The following FOCAD variants were observed in gnomAD, a reference collection of about 807,000 sequenced individuals.
FOCAD encodes the protein KIAA1797.
FOCAD carries 198 observed loss-of-function variants against 225.6 expected under a neutral mutation model. That is an observed-to-expected ratio of 0.88 (90% CI 0.78 to 0.99). FOCAD has a LOEUF of 0.99. Ranked by LOEUF, FOCAD falls within the 50% of genes least tolerant of loss-of-function variation. The pLI, the probability that FOCAD is intolerant of heterozygous loss-of-function variation, is 0.00. For synonymous variants in FOCAD, 897 were observed against 755.0 expected (o/e 1.19, Z -3.08); for missense variants, 2,713 against 2,123.6 (o/e 1.28, Z -5.46).
intron 11 of FOCAD, among the ~76,000 whole-genome samples, chr9:20,803,796 C>T (rs1428071190): frequency 1.3e-5 from 2 of 152,094 alleles, no homozygotes; most frequent in Non-Finnish European, 2.9e-5. Context: ...CACCCTAACT[C>T]AGTGTTGAAG....
At chr9:20,930,550 G>T (rs548363789) in intron 27 of FOCAD, among the ~76,000 whole-genome samples, 8 of 152,172 alleles carry the variant, frequency 5.3e-5, no homozygotes, top group African/African-American at 1.9e-4. Flanking sequence ...GGATAAACTG[G>T]ATGACACTAT....
intron 6 of FOCAD, among the ~76,000 whole-genome samples, chr9:20,759,529 A>G (rs1294879175): frequency 2.0e-5 from 3 of 152,198 alleles, no homozygotes; most frequent in Non-Finnish European, 4.4e-5. Flanking sequence ...CTGAAACTGG[A>G]TCCCTTCCTT....
chr9:20,794,443 A>G (rs570176893), intron 11 of FOCAD, among the ~76,000 whole-genome samples: 3 of 152,350 alleles, frequency 2.0e-5, no homozygotes, highest in Admixed American at 1.3e-4. Flanking sequence ...AAGTGAAGAC[A>G]TTGAGGGTCA....
At chr9:20,693,638 A>G (rs1321578130) in intron 1 of FOCAD, among the ~76,000 whole-genome samples, 2 of 152,154 alleles carry the variant, frequency 1.3e-5, no homozygotes, top group Admixed American at 6.5e-5. Context: ...TCCATTCTTT[A>G]TGGAAAAGCT....
intron 37 of FOCAD, among the ~76,000 whole-genome samples, chr9:20,980,348 A>C (rs181822548): frequency 6.6e-6 from 1 of 151,878 alleles, no homozygotes; most frequent in East Asian, 1.9e-4. Flanking sequence ...TGTTCTATTC[A>C]CTCCTTCTTA....
rs1302940056 is a variant in FOCAD at position 20,948,321 on chromosome 9, G to A, written c.3726G>A (p.Val1242=). Residue 1242 remains valine (V), a synonymous_variant, in exon 31 of 44, where the codon GTG becomes GTA. Transcript: ENST00000338382. ...ALGNIVHGLS[V]CGHGKAEDLG... is the part of the protein sequence containing the mutation. ...GAAACATAGTTCATGGATTGTCTGT[G>A]TGTGGACATGGAAAAGCTGAAGACT... is the stretch of plus-strand genomic sequence containing the variant. 2 of 1,612,098 alleles carry A rather than the reference G, an allele frequency of 1.2e-6. No homozygotes were observed. The highest frequency in any genetic ancestry group is 1.7e-5 in the Admixed American group (1 of 59,910).
chr9:20,853,891 C>T (rs1294566966), intron 15 of FOCAD, among the ~76,000 whole-genome samples: 1 of 151,682 alleles, frequency 6.6e-6, no homozygotes, highest in Non-Finnish European at 1.5e-5. Context: ...TTATTTTTCT[C>T]ATTGTTTCTG....
intron 1 of FOCAD, among the ~76,000 whole-genome samples, chr9:20,711,035 G>T (rs1221051191): frequency 6.6e-6 from 1 of 152,122 alleles, no homozygotes; most frequent in Non-Finnish European, 1.5e-5. Context: ...TTGCTCTCTG[G>T]CCCTTTACAG....
At chr9:20,949,526 T>C (rs1837492174) in intron 32 of FOCAD, 78 bp from the exon 33 acceptor site, 6 of 966,760 alleles carry the variant, frequency 6.2e-6, no homozygotes, top group Non-Finnish European at 9.7e-6. Context: ...AGAAGATGGA[T>C]AGCTCATGCA....
chr9:20,926,193 A>C, intron 25 of FOCAD, 108 bp from the exon 26 acceptor site: 1 of 677,100 alleles, frequency 1.5e-6, no homozygotes, highest in Non-Finnish European at 2.5e-6. Flanking sequence ...TTACTTTTTG[A>C]TAACAGCACT....
chr9:20,968,538 T>C (rs1839476608), intron 35 of FOCAD, among the ~76,000 whole-genome samples: 2 of 140,692 alleles, frequency 1.4e-5, no homozygotes, highest in African/African-American at 5.2e-5. Flanking sequence ...ACCTCCTGGG[T>C]TCAAGTGATT....
chr9:20,829,864 G>A (rs1825308281), intron 15 of FOCAD, among the ~76,000 whole-genome samples: 1 of 152,030 alleles, frequency 6.6e-6, no homozygotes, highest in African/African-American at 2.4e-5. Flanking sequence ...GCAGTAGTAA[G>A]CATCTCTTGA....
intron 21 of FOCAD, among the ~76,000 whole-genome samples, chr9:20,890,978 A>G (rs1382370064): frequency 6.6e-6 from 1 of 152,052 alleles, no homozygotes; most frequent in Non-Finnish European, 1.5e-5. Flanking sequence ...GTATTGAGCA[A>G]TTATCTAGGC....
At chr9:20,758,544 T>G (rs1265620840) in intron 6 of FOCAD, among the ~76,000 whole-genome samples, 1 of 130,740 alleles carries the variant, frequency 7.6e-6, no homozygotes, top group Non-Finnish European at 1.6e-5. Context: ...GTCCCCAGAT[T>G]GTGATGTTCC....
chr9:20,833,881 T>A (rs1191434926), intron 15 of FOCAD, among the ~76,000 whole-genome samples: 2 of 152,110 alleles, frequency 1.3e-5, no homozygotes, highest in Admixed American at 6.6e-5. Flanking sequence ...ATGAAGTAAC[T>A]GGATATCTCA....
chr9:20,982,275 A>G, intron 38 of FOCAD, 82 bp from the exon 39 acceptor site: 1 of 1,024,034 alleles, frequency 9.8e-7, no homozygotes, highest in East Asian at 2.5e-5. Flanking sequence ...CATGGGGATA[A>G]GAAAATCTAA....
intron 2 of FOCAD, among the ~76,000 whole-genome samples, chr9:20,665,948 GC>G (rs1345467028): frequency 6.6e-6 from 1 of 152,026 alleles, no homozygotes; most frequent in Non-Finnish European, 1.5e-5. Flanking sequence ...AGGTTGGAGT[GC>G]AATGGCGTGG....
chr9:20,708,818 A>C (rs1824600606), intron 1 of FOCAD, among the ~76,000 whole-genome samples: 1 of 151,890 alleles, frequency 6.6e-6, no homozygotes, highest in African/African-American at 2.4e-5. Flanking sequence ...CCTGAGTTTC[A>C]GCCATATGAC....
chr9:20,943,982 A>C (rs921052214), intron 28 of FOCAD, among the ~76,000 whole-genome samples: 2 of 152,198 alleles, frequency 1.3e-5, no homozygotes, highest in African/African-American at 4.8e-5. Flanking sequence ...ACATGGGGTA[A>C]CTTTTGACAA....
Sources: gnomAD v4.1 joint callset for allele counts (sites outside exome capture counted in the v4.1 genomes callset) on GRCh38, gnomAD v4.1.1 for gene constraint, MANE v1.5 for transcripts, NCBI Gene and HGNC (gene_info 2026-07-23, HGNC 2026-07-21) for gene names.